Variants in KHDRBS2 observed in about 807,000 individuals in gnomAD.
The protein encoded by KHDRBS2 is KH domain-containing, RNA-binding, signal transduction-associated protein 2.
Under a neutral mutation model 44.3 loss-of-function variants are expected in KHDRBS2, and 26 were observed. The ratio of observed to expected loss-of-function variants is 0.59; its 90% CI spans 0.43 to 0.81. The LOEUF is 0.81. Among genes scored for constraint, KHDRBS2 ranks in the 40% least tolerant of loss-of-function variants. The pLI is 0.00. For synonymous variants in KHDRBS2, 194 were observed against 151.1 expected (o/e 1.28, Z -2.08); for missense variants, 476 against 433.1 (o/e 1.10, Z -0.88).
intron 8 of KHDRBS2, among the ~76,000 whole-genome samples, chr6:61,689,360 C>T (rs1767139629): frequency 6.6e-6 from 1 of 151,846 alleles, no homozygotes; most frequent in East Asian, 1.9e-4. Context: ...TTGATAAGAC[C>T]GTGGGAACCC....
chr6:61,730,434 A>C (rs2127559952), intron 7 of KHDRBS2, among the ~76,000 whole-genome samples: 1 of 152,240 alleles, frequency 6.6e-6, no homozygotes, highest in South Asian at 2.1e-4. Flanking sequence ...TACCCCATGA[A>C]AGACTTTGTA....
rs1439720546 is a variant in KHDRBS2 at position 61,810,064 on chromosome 6, A to T, written c.811-77300T>A. Among the ~76,000 whole-genome samples the T allele has an allele frequency of 2.0e-5, 3 of 152,232 alleles. No homozygotes were observed. In the South Asian group the frequency reaches 6.2e-4, roughly 32 times the overall value. On this transcript the variant is annotated intron_variant, in intron 6 of 8. Coordinates refer to ENST00000281156, the MANE Select transcript of KHDRBS2 (RefSeq NM_152688.4). ...GACAGATAAGATCCAGAATCACTGA[A>T]TTGGACACTTCTAGGAGGCAAATGG... is the stretch of plus-strand genomic sequence containing the variant.
At chr6:61,557,758 C>T in the KHDRBS2 span, among the ~76,000 whole-genome samples, 1 of 152,064 alleles carries the variant, frequency 6.6e-6, no homozygotes, top group Non-Finnish European at 1.5e-5. Flanking sequence ...AGCAGTGAAG[C>T]TATTGGGTCC....
At chr6:61,699,412 C>T (rs1273984395) in intron 7 of KHDRBS2, among the ~76,000 whole-genome samples, 3 of 150,254 alleles carry the variant, frequency 2.0e-5, no homozygotes, top group Non-Finnish European at 4.5e-5. Flanking sequence ...TCAAGCATTG[C>T]CCCCCTATAT....
intron 4 of KHDRBS2, among the ~76,000 whole-genome samples, chr6:61,919,734 A>AC (rs1301542388): frequency 2.6e-5 from 4 of 151,662 alleles, no homozygotes; most frequent in Admixed American, 6.6e-5. Flanking sequence ...AACAACAACA[A>AC]AAAAAAACCC....
chr6:61,828,615 C>A (rs1384081922), intron 6 of KHDRBS2, among the ~76,000 whole-genome samples: 2 of 151,968 alleles, frequency 1.3e-5, no homozygotes, highest in Non-Finnish European at 2.9e-5. Flanking sequence ...CTCTGTATAC[C>A]TTTTGGGTAT....
At chr6:61,766,759 A>T (rs955720590) in intron 6 of KHDRBS2, among the ~76,000 whole-genome samples, 9 of 151,936 alleles carry the variant, frequency 5.9e-5, no homozygotes, top group African/African-American at 1.9e-4. Context: ...TTCCATGTGG[A>T]TGTATAGTTT....
At chr6:61,643,066 A>G in the KHDRBS2 span, among the ~76,000 whole-genome samples, 9 of 152,188 alleles carry the variant, frequency 5.9e-5, no homozygotes, top group African/African-American at 2.2e-4. Context: ...ATATGTGTGC[A>G]TGTATACATA....
the KHDRBS2 span, among the ~76,000 whole-genome samples, chr6:61,645,074 A>G: frequency 7.7e-3 from 1,167 of 152,292 alleles, 41 homozygotes; most frequent in Admixed American, 0.062. Flanking sequence ...CTAAATGCCC[A>G]TCAATGAAAA....
At chr6:61,547,587 T>C in the KHDRBS2 span, among the ~76,000 whole-genome samples, 1 of 152,108 alleles carries the variant, frequency 6.6e-6, no homozygotes, top group South Asian at 2.1e-4. Context: ...TATTTTTGGC[T>C]TTGTGCTTTG....
intron 7 of KHDRBS2, among the ~76,000 whole-genome samples, chr6:61,705,994 T>A (rs1769474610): frequency 6.6e-6 from 1 of 151,880 alleles, no homozygotes; most frequent in Non-Finnish European, 1.5e-5. Context: ...ATCATCATTG[T>A]ATTCCCAGGG....
At chr6:61,730,986 C>T (rs1774347039) in intron 7 of KHDRBS2, among the ~76,000 whole-genome samples, 1 of 151,990 alleles carries the variant, frequency 6.6e-6, no homozygotes, top group African/African-American at 2.4e-5. Context: ...GAAAATTATT[C>T]CAAAATTTCT....
chr6:62,099,033 T>C (rs1801265349), intron 2 of KHDRBS2, among the ~76,000 whole-genome samples: 1 of 152,218 alleles, frequency 6.6e-6, no homozygotes, highest in Admixed American at 6.5e-5. Context: ...TGACAAATTA[T>C]TCAATTGTTT....
chr6:61,672,981 T>C, the KHDRBS2 span, among the ~76,000 whole-genome samples: 1 of 151,960 alleles, frequency 6.6e-6, no homozygotes, highest in South Asian at 2.1e-4. Flanking sequence ...TGGTTTTAGG[T>C]CTAAGGTTTA....
At chr6:61,975,433 T>TAG (rs1483710423) in intron 4 of KHDRBS2, among the ~76,000 whole-genome samples, 1 of 152,160 alleles carries the variant, frequency 6.6e-6, no homozygotes, top group Non-Finnish European at 1.5e-5. Context: ...AAAAGAACCT[T>TAG]AGATCACCAA....
chr6:62,013,936 C>T (rs913120313), intron 3 of KHDRBS2, among the ~76,000 whole-genome samples: 1 of 152,102 alleles, frequency 6.6e-6, no homozygotes, highest in Non-Finnish European at 1.5e-5. Flanking sequence ...AGAGATGTTC[C>T]CTGCTCCACA....
the KHDRBS2 span, among the ~76,000 whole-genome samples, chr6:61,610,849 C>T: frequency 6.6e-6 from 1 of 152,200 alleles, no homozygotes; most frequent in Admixed American, 6.5e-5. Context: ...TTTGTGAACA[C>T]ATTTTAAATC....
chr6:62,059,538 G>A lies in KHDRBS2; in HGVS notation c.220-11544C>T, dbSNP rs576328436. ...AATATGAAGAGAGTAGTGTGAAGTAGTAATCAAAATAAATTCTAATCACAG... is the reference window on the plus strand; with the variant it reads ...AATATGAAGAGAGTAGTGTGAAGTAATAATCAAAATAAATTCTAATCACAG... On this transcript the variant is annotated intron_variant, in intron 2 of 8. Coordinates refer to ENST00000281156, the MANE Select transcript of KHDRBS2 (RefSeq NM_152688.4). Among the ~76,000 whole-genome samples, 3 of 151,738 alleles carry A rather than the reference G, an allele frequency of 2.0e-5. No homozygotes were observed. In the South Asian group the frequency reaches 6.2e-4, roughly 31 times the overall value.
chr6:62,226,429 C>A (rs1332186183), intron 1 of KHDRBS2, among the ~76,000 whole-genome samples: 2 of 152,026 alleles, frequency 1.3e-5, no homozygotes, highest in Non-Finnish European at 2.9e-5. Flanking sequence ...AGATTCTGGA[C>A]ATTTGACCTT....
Sources: gnomAD v4.1 joint callset for allele counts (sites outside exome capture counted in the v4.1 genomes callset) on GRCh38, gnomAD v4.1.1 for gene constraint, MANE v1.5 for transcripts, NCBI Gene and HGNC (gene_info 2026-07-23, HGNC 2026-07-21) for gene names.